STAG1: variants seen among roughly 807,000 people sequenced by gnomAD.
STAG1 encodes cohesin subunit SA-1.
A neutral mutation model predicts 170.9 loss-of-function variants in STAG1; 26 were observed. That is an observed-to-expected ratio of 0.15 (90% CI 0.11 to 0.21). STAG1 has a LOEUF of 0.21. Among genes scored for constraint, STAG1 ranks in the 10% least tolerant of loss-of-function variants. The probability of loss-of-function intolerance (pLI) is 1.00; values close to 1 mark genes in which losing one functional copy is unlikely to be tolerated. For synonymous variants in STAG1, 514 were observed against 497.7 expected, an observed-to-expected ratio of 1.03 and a Z score of -0.44; for missense variants, 964 against 1,509.5, an observed-to-expected ratio of 0.64 and a Z score of 5.99.
rs868250443 is a variant in STAG1, at chr3:136,337,940, T to C, written c.*314A>G. 1.9e-5 allele frequency: 5 copies of C among 268,108 alleles called. No homozygotes were observed. The highest frequency in any genetic ancestry group is 5.2e-5 in the Admixed American group (1 of 19,386). The allele number at this position is 268,108 out of a possible 1,614,324, so 16.6% of individuals were successfully genotyped here. On this transcript the variant is annotated 3_prime_UTR_variant, in exon 34 of 34. Coordinates refer to ENST00000383202, the MANE Select transcript of STAG1 (RefSeq NM_005862.3). ...TAAAACAGGTGTATAACAGTGTTTA[T>C]CTTGACAGCTGTTTTAAAAATTTAA...
chr3:136,685,038 G>A (rs929815939), intron 1 of STAG1, among the ~76,000 whole-genome samples: 1 of 152,092 alleles, frequency 6.6e-6, no homozygotes, highest in African/African-American at 2.4e-5. Context: ...CTCTTGGCTG[G>A]GCCCGGTGGC....
Position 136,447,907 on chromosome 3 carries a change from G to A in STAG1, c.1428+4126C>T, listed in dbSNP as rs150937869. Among the ~76,000 whole-genome samples, 12 of 152,118 alleles carry A rather than the reference G, an allele frequency of 7.9e-5. No individual in the cohort carries two copies. In the East Asian group the frequency reaches 1.2e-3, roughly 15 times the overall value. On this transcript the variant is annotated intron_variant, in intron 14 of 33. Transcript: ENST00000383202. ...GCTGGGTTTACAGGCATGAGCCACCGCGCCTGGCTGCATCACACTTTTTAT... is the reference window on the plus strand; with the variant it reads ...GCTGGGTTTACAGGCATGAGCCACCACGCCTGGCTGCATCACACTTTTTAT...
At chr3:136,418,402 G>GAAAAAAA (rs1559789147) in intron 20 of STAG1, among the ~76,000 whole-genome samples, 3 of 89,390 alleles carry the variant, frequency 3.4e-5, no homozygotes, top group African/African-American at 5.1e-5. Flanking sequence ...AAAAAAAAAG[G>GAAAAAAA]TTTTTTTCAT....
At chr3:136,529,704 AAAAG>A (rs1935270938) in intron 6 of STAG1, among the ~76,000 whole-genome samples, 1 of 152,202 alleles carries the variant, frequency 6.6e-6, no homozygotes, top group East Asian at 1.9e-4. Context: ...GAAAACACAC[AAAAG>A]TATAAGTCTC....
At chr3:136,433,319 T>A (rs943482277) in intron 16 of STAG1, among the ~76,000 whole-genome samples, 2 of 151,774 alleles carry the variant, frequency 1.3e-5, no homozygotes, top group Non-Finnish European at 2.9e-5. Flanking sequence ...TATATATATA[T>A]AAAATACGTA....
At chr3:136,678,800 G>A (rs74517790) in intron 1 of STAG1, among the ~76,000 whole-genome samples, 1 of 144,836 alleles carries the variant, frequency 6.9e-6, no homozygotes, top group African/African-American at 2.6e-5. Context: ...ATCACTTGAG[G>A]CCAGGAGTTT....
At chr3:136,397,044 A>G (rs2087184612) in intron 22 of STAG1, among the ~76,000 whole-genome samples, 1 of 152,216 alleles carries the variant, frequency 6.6e-6, no homozygotes, top group Non-Finnish European at 1.5e-5. Flanking sequence ...CTCTGAAAAA[A>G]TAACACTCCA....
At chr3:136,583,437 T>C (rs2107781991) in intron 4 of STAG1, among the ~76,000 whole-genome samples, 1 of 152,254 alleles carries the variant, frequency 6.6e-6, no homozygotes, top group Admixed American at 6.5e-5. Context: ...CCAAGTATAA[T>C]TAAAATAATT....
intron 1 of STAG1, among the ~76,000 whole-genome samples, chr3:136,683,879 T>C (rs1942425750): frequency 6.6e-6 from 1 of 152,192 alleles, no homozygotes; most frequent in Non-Finnish European, 1.5e-5. Flanking sequence ...CGCTTTCCTA[T>C]ATGCCAGGAA....
At chr3:136,484,168 T>A (rs902686928) in intron 9 of STAG1, among the ~76,000 whole-genome samples, 4 of 149,430 alleles carry the variant, frequency 2.7e-5, no homozygotes, top group African/African-American at 9.9e-5. Context: ...CGTTTTAGAG[T>A]TTCCAGTTTT....
intron 5 of STAG1, among the ~76,000 whole-genome samples, chr3:136,565,579 G>A (rs66902780): frequency 0.078 from 11,886 of 152,164 alleles, 487 homozygotes; most frequent in Non-Finnish European, 0.093. Context: ...ATTTCTGGTG[G>A]GAATATAAGA....
chr3:136,532,374 G>A (rs1935417821), intron 6 of STAG1, among the ~76,000 whole-genome samples: 1 of 152,084 alleles, frequency 6.6e-6, no homozygotes, highest in Non-Finnish European at 1.5e-5. Flanking sequence ...TTGCTAACAG[G>A]GTAATGCTGG....
intron 9 of STAG1, among the ~76,000 whole-genome samples, chr3:136,498,609 T>G (rs1191533290): frequency 6.6e-6 from 1 of 151,770 alleles, no homozygotes; most frequent in Admixed American, 6.6e-5. Context: ...GGTGGTTTTA[T>G]AGGTGTATAT....
chr3:136,419,749 C>T (rs1019172715), intron 20 of STAG1, among the ~76,000 whole-genome samples: 1 of 151,726 alleles, frequency 6.6e-6, no homozygotes, highest in Non-Finnish European at 1.5e-5. Context: ...AGGCATAAGC[C>T]ACCATGCCTG....
intron 4 of STAG1, 118 bp downstream of exon 4, chr3:136,604,191 T>C (rs1316308853): frequency 1.1e-6 from 1 of 899,242 alleles, no homozygotes. Context: ...CAGGATAAAC[T>C]GAAAGGTTGC....
At chr3:136,705,417 AC>A (rs1943202355) in intron 1 of STAG1, among the ~76,000 whole-genome samples, 3 of 134,044 alleles carry the variant, frequency 2.2e-5, no homozygotes, top group Non-Finnish European at 3.4e-5. Flanking sequence ...ACACACACAC[AC>A]ACACACAACG....
At chr3:136,385,767 T>C (rs2086856315) in intron 22 of STAG1, among the ~76,000 whole-genome samples, 1 of 152,064 alleles carries the variant, frequency 6.6e-6, no homozygotes, top group Non-Finnish European at 1.5e-5. Flanking sequence ...AGTGGCACAA[T>C]CATAGCTCAA....
intron 29 of STAG1, among the ~76,000 whole-genome samples, chr3:136,346,942 T>C (rs1398872090): frequency 6.6e-6 from 1 of 150,988 alleles, no homozygotes; most frequent in Non-Finnish European, 1.5e-5. Context: ...TTACGAAAAA[T>C]ACAAAAATTA....
chr3:136,724,600 T>TAAAA (rs58430366), intron 1 of STAG1, among the ~76,000 whole-genome samples: 2 of 104,666 alleles, frequency 1.9e-5, no homozygotes, highest in African/African-American at 3.2e-5. Context: ...GAATGATCAA[T>TAAAA]AAAAAAAAAA....
Sources: gnomAD v4.1 joint callset for allele counts (sites outside exome capture counted in the v4.1 genomes callset) on GRCh38, gnomAD v4.1.1 for gene constraint, MANE v1.5 for transcripts, NCBI Gene and HGNC (gene_info 2026-07-23, HGNC 2026-07-21) for gene names.